The following FMO5 variants were observed in gnomAD, a reference collection of about 807,000 sequenced individuals.
The protein encoded by FMO5 is flavin-containing monooxygenase 5.
Under a neutral mutation model 43.6 loss-of-function variants are expected in FMO5, and 51 were observed. The observed-to-expected ratio is 1.17, with a 90% CI of 0.93 to 1.48. The LOEUF is 1.48. Ranked by LOEUF, FMO5 falls within the 40% of genes most tolerant of loss-of-function variation. The pLI is 0.00. For synonymous variants in FMO5, 187 were observed against 216.5 expected (o/e 0.86, Z 1.20); for missense variants, 644 against 643.0 (o/e 1.00, Z -0.02).
chr1:147,196,684 T>C (rs1658070316), intron 7 of FMO5, among the ~76,000 whole-genome samples: 1 of 152,152 alleles, frequency 6.6e-6, no homozygotes. Flanking sequence ...AATTTTGTTT[T>C]TGCAGTGTTT....
At chr1:147,188,506 G>T (rs986065779) in intron 8 of FMO5, among the ~76,000 whole-genome samples, 2 of 110,602 alleles carry the variant, frequency 1.8e-5, no homozygotes, top group Non-Finnish European at 3.4e-5. Flanking sequence ...CTGGGTAACA[G>T]AGTGAGACCC....
Position 147,199,415 on chromosome 1 carries a change from G to A in FMO5, c.1183+1737C>T, listed in dbSNP as rs116257825. Among the ~76,000 whole-genome samples, 327 of 152,242 alleles carry A rather than the reference G, an allele frequency of 2.1e-3. 1 individual carries two copies. The highest frequency in any genetic ancestry group is 7.7e-3 in the African/African-American group (318 of 41,542). On this transcript the variant is annotated intron_variant, in intron 7 of 8. Coordinates refer to ENST00000254090, the MANE Select transcript of FMO5 (RefSeq NM_001461.4). ...GAATTCTGAAGATTTCTTCCTTCCA[G>A]GTGTTAGAAAAAAGCTGGAGGAATT... is the stretch of plus-strand genomic sequence containing the variant.
chr1:147,205,795 C>T (rs1434940291), intron 6 of FMO5, among the ~76,000 whole-genome samples: 1 of 151,986 alleles, frequency 6.6e-6, no homozygotes, highest in African/African-American at 2.4e-5. Flanking sequence ...AAATGTTAGA[C>T]CTAAAACCAT....
At chr1:147,216,022 T>G (rs1661928174) in intron 2 of FMO5, 80 bp from the exon 3 acceptor site, 1 of 1,087,162 alleles carries the variant, frequency 9.2e-7, no homozygotes, top group African/African-American at 1.6e-5. Context: ...TCTGAAAAAG[T>G]TTTCTGAAAG....
chr1:147,208,244 C>T (rs10494243), intron 6 of FMO5, among the ~76,000 whole-genome samples: 5,603 of 152,068 alleles, frequency 0.037, 148 homozygotes, highest in South Asian at 0.095. Context: ...GAGTAAATGA[C>T]GCACTGTCCT....
At chr1:147,212,702 T>A (rs190176378) in intron 4 of FMO5, among the ~76,000 whole-genome samples, 167 bp from the exon 5 acceptor site, 2 of 152,188 alleles carry the variant, frequency 1.3e-5, no homozygotes, top group Admixed American at 1.3e-4. Flanking sequence ...TATTTTCTTT[T>A]CCCATAGCCT....
intron 7 of FMO5, among the ~76,000 whole-genome samples, chr1:147,191,372 C>T (rs1656763319): frequency 6.6e-6 from 1 of 152,084 alleles, no homozygotes. Flanking sequence ...TAATGATCGC[C>T]ATTCTAACTG....
At chr1:147,186,097 ACT>A (rs1655593492), downstream of FMO5, among the ~76,000 whole-genome samples, 1 of 152,198 alleles carries the variant, frequency 6.6e-6, no homozygotes. Flanking sequence ...ATTGGAAGCT[ACT>A]TATCATATTT....
At position 147,201,517 on chromosome 1, in the gene FMO5, A is replaced by G; in HGVS notation, c.831-13T>C. On this transcript the variant is annotated splice_polypyrimidine_tract_variant and intron_variant, in intron 6 of 8. Coordinates refer to ENST00000254090, the MANE Select transcript of FMO5 (RefSeq NM_001461.4). ...CTGACTCAGAGCTCTGTGAGTCGTG[A>G]CAAAGATCAAGTGGAGAAATGAGAG... 6.3e-7 allele frequency: 1 copy of G among 1,594,868 alleles called. No individual in the cohort carries two copies. Among genetic ancestry groups the G allele is most frequent in the Non-Finnish European group, 8.6e-7 (1 of 1,165,666 alleles).
chr1:147,213,342 G>A lies in FMO5; in HGVS notation c.453C>T (p.His151=). ...FDGVMVCTGH[H]TNAHLPLESF... ...TTTCCAGAGGTAGATGAGCATTGGTGTGATGGCCAGTGCAAACCATGACTC... is the reference window on the plus strand; with the variant it reads ...TTTCCAGAGGTAGATGAGCATTGGTATGATGGCCAGTGCAAACCATGACTC... The change falls in exon 4 of 9, where the codon CAC becomes CAT. Residue 151 remains histidine (H), a synonymous_variant. Coordinates refer to ENST00000254090, the MANE Select transcript of FMO5 (RefSeq NM_001461.4). The A allele has an allele frequency of 6.2e-7, 1 of 1,612,692 alleles. No homozygotes were observed. Among genetic ancestry groups the A allele is most frequent in the Admixed American group, 1.7e-5 (1 of 59,888 alleles).
At chr1:147,194,992 T>C (rs1481643724) in intron 7 of FMO5, among the ~76,000 whole-genome samples, 3 of 151,672 alleles carry the variant, frequency 2.0e-5, no homozygotes, top group African/African-American at 7.3e-5. Flanking sequence ...TGTCTTGGAG[T>C]TGCTCTTCTT....
At chr1:147,214,972 G>A (rs1393586506) in intron 3 of FMO5, 4 of 152,026 alleles carry the variant, frequency 2.6e-5, no homozygotes, top group African/African-American at 9.7e-5. Context: ...TTTTCTTATT[G>A]TCATTAAGCA....
chr1:147,184,984 A>G (rs1655492934), downstream of FMO5, among the ~76,000 whole-genome samples: 1 of 152,066 alleles, frequency 6.6e-6, no homozygotes, highest in Non-Finnish European at 1.5e-5. This position sits in a 1 kb window ranked among gnomAD's most constrained non-coding sequence, Gnocchi z 4.4. Context: ...GAATATATAT[A>G]TATTTTTGTA....
rs1553917311 is a variant in FMO5, at chr1:147,187,131, G to A, written c.1371C>T (p.Pro457=). Residue 457 remains proline (P), a synonymous_variant, in exon 9 of 9, where the codon CCC becomes CCT. Transcript: ENST00000254090. ...CCAGTAATAAGTGTAATGCCAGCTT[G>A]GGGTCAGTGAAGGCCAGAGACAGCA... The part of the protein sequence containing the change: ...PNLLSLAFTD[P]KLALHLLLGP... 3 of 1,613,992 alleles carry A rather than the reference G, an allele frequency of 1.9e-6. No individual in the cohort carries two copies. In the Admixed American group the frequency reaches 5.0e-5, roughly 27 times the overall value.
chr1:147,221,600 A>G (rs1488790198), intron 2 of FMO5, among the ~76,000 whole-genome samples: 2 of 152,222 alleles, frequency 1.3e-5, no homozygotes, highest in Admixed American at 1.3e-4. Context: ...AGAGATATTT[A>G]GAAAGTCCCT....
intron 2 of FMO5, chr1:147,224,059 C>A: frequency 2.6e-6 from 1 of 379,010 alleles, no homozygotes; most frequent in Non-Finnish European, 5.2e-6. Context: ...TGGTTGTCTT[C>A]CTGCCTGCCC....
intron 6 of FMO5, chr1:147,204,906 C>T (rs928346893): frequency 1.1e-5 from 17 of 1,580,522 alleles, no homozygotes; most frequent in Admixed American, 1.7e-5. Flanking sequence ...GGGCGAAGCC[C>T]GGAGCCTTGG....
chr1:147,208,382 G>A (rs1250765440), intron 6 of FMO5: 1 of 152,552 alleles, frequency 6.6e-6, no homozygotes, highest in Admixed American at 6.5e-5. Context: ...ACATCTGTGG[G>A]TACAAGTTAG....
intron 7 of FMO5, among the ~76,000 whole-genome samples, chr1:147,196,351 C>T (rs776820257): frequency 8.6e-5 from 13 of 151,992 alleles, no homozygotes; most frequent in South Asian, 2.1e-4. Context: ...TAGGTCTCTT[C>T]GGATACTCAA....
Sources: allele counts gnomAD v4.1 joint callset (sites outside exome capture counted in the v4.1 genomes callset), GRCh38; gene constraint gnomAD v4.1.1; non-coding constraint Gnocchi (gnomAD v3.1); transcripts MANE v1.5; gene names NCBI Gene and HGNC (gene_info 2026-07-23, HGNC 2026-07-21).